Variants in CHI3L2 observed in about 807,000 individuals in gnomAD.
CHI3L2 encodes chitinase-3-like protein 2.
In CHI3L2, 47 loss-of-function variants were observed where a neutral mutation model predicts 47.3. The observed-to-expected ratio is 0.99, with a 90% CI of 0.79 to 1.27. The LOEUF (loss-of-function observed/expected upper bound fraction) is 1.27, where lower values mean the gene tolerates loss of function less well. Among genes scored for constraint, CHI3L2 ranks in the 50% most tolerant of loss-of-function variants. The pLI is 0.00. For synonymous variants in CHI3L2, 198 were observed against 169.9 expected, an observed-to-expected ratio of 1.17 and a Z score of -1.28; for missense variants, 497 against 462.1, an observed-to-expected ratio of 1.08 and a Z score of -0.69.
At position 111,236,121 on chromosome 1, in the gene CHI3L2, C is replaced by A; in HGVS notation, c.703C>A (p.Gln235Lys). 2 of 1,614,174 alleles carry A rather than the reference C, an allele frequency of 1.2e-6. No individual in the cohort carries two copies. The highest frequency in any genetic ancestry group is 1.7e-6 in the Non-Finnish European group (2 of 1,180,040). Residue 235 changes from glutamine (Q) to lysine (K), a missense_variant, in exon 7 of 11, where the codon CAG becomes AAG. Coordinates refer to ENST00000369748, the MANE Select transcript of CHI3L2 (RefSeq NM_004000.3). ...CAACAGCCCTCTGAGCAAGGGGTGG[C>A]AGGACAGAGGGCCAAGCTCCTACTA... ...GHNSPLSKGW[Q>K]DRGPSSYYNV...
At chr1:111,230,302 G>A (rs2101544928) in intron 2 of CHI3L2, among the ~76,000 whole-genome samples, 1 of 152,116 alleles carries the variant, frequency 6.6e-6, no homozygotes, top group Middle Eastern at 3.4e-3. Flanking sequence ...GGTCCAGGCT[G>A]TAGTGCAGTG....
chr1:111,232,234 A>G (rs1659744585), intron 4 of CHI3L2, among the ~76,000 whole-genome samples: 1 of 152,234 alleles, frequency 6.6e-6, no homozygotes, highest in Admixed American at 6.5e-5. Flanking sequence ...ACACCCTTCA[A>G]TATGAATGGG....
chr1:111,240,752 G>T (rs1366303479), intron 8 of CHI3L2, among the ~76,000 whole-genome samples: 1 of 152,100 alleles, frequency 6.6e-6, no homozygotes, highest in Non-Finnish European at 1.5e-5. Flanking sequence ...TCTTCCTTAT[G>T]CTAACAGAAA....
intron 3 of CHI3L2, 53 bp downstream of exon 3, chr1:111,230,996 T>C: frequency 1.4e-6 from 2 of 1,448,040 alleles, no homozygotes; most frequent in Non-Finnish European, 1.9e-6. Context: ...GGAGGGAAGC[T>C]GGTCTTAAGC....
At chr1:111,240,775 T>C (rs1660025154) in intron 8 of CHI3L2, among the ~76,000 whole-genome samples, 1 of 152,106 alleles carries the variant, frequency 6.6e-6, no homozygotes, top group Non-Finnish European at 1.5e-5. Flanking sequence ...ATATAGCTAA[T>C]GATAGAAGGG....
In CHI3L2 at chr1:111,243,325, T is replaced by C. The variant is rs1660117351; in HGVS notation, c.*111T>C. 3 of 445,468 alleles carry C rather than the reference T, an allele frequency of 6.7e-6. No homozygotes were observed. The highest frequency in any genetic ancestry group is 2.0e-5 in the African/African-American group (1 of 49,538). 27.6% of individuals were successfully genotyped at this position (445,468 alleles called of 1,614,324 possible). On this transcript the variant is annotated 3_prime_UTR_variant, in exon 11 of 11. Transcript: ENST00000369748. Reference sequence around the variant, plus strand: ...TGCCAGGCTGGCCTTTGGATCTCTCTTCCAAGCCTTTCCTGACTTCCTCTT... The same window carrying C: ...TGCCAGGCTGGCCTTTGGATCTCTCCTCCAAGCCTTTCCTGACTTCCTCTT...
chr1:111,229,824 G>A (rs1187331321), intron 1 of CHI3L2, 28 bp from the exon 2 acceptor site: 2 of 1,613,302 alleles, frequency 1.2e-6, no homozygotes, highest in Non-Finnish European at 1.7e-6. Flanking sequence ...TGGCTCAACA[G>A]ATTTCTCTTT....
At chr1:111,235,091 G>C (rs752200819) in intron 5 of CHI3L2, 34 bp downstream of exon 5, 3 of 1,607,788 alleles carry the variant, frequency 1.9e-6, no homozygotes, top group Non-Finnish European at 2.5e-6. Flanking sequence ...ATGTGAGTCA[G>C]ATGCCACGGT....
intron 2 of CHI3L2, among the ~76,000 whole-genome samples, chr1:111,230,459 G>A (rs949489127): frequency 1.3e-5 from 2 of 152,176 alleles, no homozygotes; most frequent in African/African-American, 4.8e-5. Context: ...TTGCTATGTT[G>A]CCAGAGCTGG....
At chr1:111,228,923 G>T (rs956139304) in intron 1 of CHI3L2, among the ~76,000 whole-genome samples, 4 of 152,148 alleles carry the variant, frequency 2.6e-5, no homozygotes, top group Non-Finnish European at 4.4e-5. Flanking sequence ...TCTTCCTAGG[G>T]TAGATGTCCT....
At chr1:111,230,130 C>T (rs531488049) in intron 2 of CHI3L2, among the ~76,000 whole-genome samples, 1 of 152,260 alleles carries the variant, frequency 6.6e-6, no homozygotes, top group African/African-American at 2.4e-5. Context: ...TGAATACAAA[C>T]ATACACAATG....
rs1659659329 is a variant in CHI3L2, at chr1:111,229,851, G to A, written c.41-1G>A. On this transcript the variant is annotated splice_acceptor_variant, in intron 1 of 10. Coordinates refer to ENST00000369748, the MANE Select transcript of CHI3L2 (RefSeq NM_004000.3). LOFTEE classifies it high-confidence loss of function. ...TTTCTCTTTCCACCCATCTATTGCA[G>A]GTGTAGTGGTCTTGCTGCTTCTCCA... The A allele has an allele frequency of 6.2e-7, 1 of 1,613,814 alleles. No homozygotes were observed. Among genetic ancestry groups the A allele is most frequent in the Non-Finnish European group, 8.5e-7 (1 of 1,179,964 alleles).
rs888961597 is a variant in CHI3L2 at position 111,229,854 on chromosome 1, G to A, written c.43G>A (p.Val15Ile). ...TMDQKSLWAG[V>I]VVLLLLQGGS... ...CTCTTTCCACCCATCTATTGCAGGT[G>A]TAGTGGTCTTGCTGCTTCTCCAGGG... Residue 15 changes from valine to isoleucine, a missense_variant and splice_region_variant, in exon 2 of 11, where the codon GTA becomes ATA. Val to Ile is a conservative substitution (Grantham distance 29). Transcript: ENST00000369748. The A allele has an allele frequency of 6.2e-7, 1 of 1,613,984 alleles. No homozygotes were observed. The highest frequency in any genetic ancestry group is 8.5e-7 in the Non-Finnish European group (1 of 1,179,952).
At chr1:111,232,231 T>C (rs1322610846) in intron 4 of CHI3L2, among the ~76,000 whole-genome samples, 2 of 152,218 alleles carry the variant, frequency 1.3e-5, no homozygotes, top group African/African-American at 4.8e-5. Context: ...TGAACACCCT[T>C]CAATATGAAT....
At chr1:111,235,321 A>G (rs1282625496) in intron 5 of CHI3L2, among the ~76,000 whole-genome samples, 1 of 152,226 alleles carries the variant, frequency 6.6e-6, no homozygotes, top group African/African-American at 2.4e-5. Context: ...AGCAACATCC[A>G]TATGAAAGAG....
At chr1:111,231,818 T>C (rs781088533) in intron 4 of CHI3L2, among the ~76,000 whole-genome samples, 10 of 152,188 alleles carry the variant, frequency 6.6e-5, no homozygotes, top group Non-Finnish European at 1.5e-4. Context: ...TTGCTTAAAA[T>C]CAAAATAGCT....
intron 10 of CHI3L2, among the ~76,000 whole-genome samples, chr1:111,242,928 C>T (rs3135451): frequency 0.97 from 148,291 of 152,274 alleles, 72,322 homozygotes; most frequent in East Asian, 1. Flanking sequence ...TCCCTAGGTG[C>T]GTTGTATATC....
At chr1:111,240,610 T>C (rs1660018116) in intron 8 of CHI3L2, among the ~76,000 whole-genome samples, 1 of 152,270 alleles carries the variant, frequency 6.6e-6, no homozygotes, top group African/African-American at 2.4e-5. Flanking sequence ...TTTGCTTAAA[T>C]ATTCAACTTT....
chr1:111,236,060 C>G lies in CHI3L2; in HGVS notation c.642C>G (p.Phe214Leu). 1 of 1,614,226 alleles carries G rather than the reference C, an allele frequency of 6.2e-7. No individual in the cohort carries two copies. The highest frequency in any genetic ancestry group is 8.5e-7 in the Non-Finnish European group (1 of 1,180,042). ...TCATCAACCTCCTGTCCTTTGACTT[C>G]CATGGGTCTTGGGAAAAGCCCCTTA... ...LDFINLLSFD[F>L]HGSWEKPLIT... Residue 214 changes from phenylalanine to leucine, a missense_variant, in exon 7 of 11, where the codon TTC (phenylalanine) becomes TTG (leucine). By Grantham distance (22) the Phe-to-Leu change is conservative (BLOSUM62 0). Transcript: ENST00000369748.
Sources: allele counts gnomAD v4.1 joint callset (sites outside exome capture counted in the v4.1 genomes callset), GRCh38; gene constraint gnomAD v4.1.1; transcripts MANE v1.5; gene names NCBI Gene and HGNC (gene_info 2026-07-23, HGNC 2026-07-21).